Variants in VSTM4 observed in about 807,000 individuals in gnomAD.
The protein encoded by VSTM4 is V-set and transmembrane domain containing 4.
VSTM4 carries 20 observed loss-of-function variants against 36.4 expected under a neutral mutation model. The ratio of observed to expected loss-of-function variants is 0.55; its 90% CI spans 0.39 to 0.80. VSTM4 has a LOEUF of 0.80. VSTM4 is among the 30% of genes least tolerant of loss of function. VSTM4 has a pLI of 0.00. For missense variants in VSTM4, 392 were observed against 404.5 expected (o/e 0.97, Z 0.26); for synonymous variants, 182 against 173.9 (o/e 1.05, Z -0.37).
At chr10:49,080,413 C>A (rs1292152996) in intron 3 of VSTM4, among the ~76,000 whole-genome samples, 1 of 152,250 alleles carries the variant, frequency 6.6e-6, no homozygotes, top group Non-Finnish European at 1.5e-5. Context: ...GGAAGCCCAG[C>A]AGAACCTCTG....
At chr10:49,064,888 A>G in intron 4 of VSTM4, 152 bp from the exon 5 acceptor site, 1 of 721,298 alleles carries the variant, frequency 1.4e-6, no homozygotes, top group Non-Finnish European at 2.3e-6. Context: ...TCTGTTTGGA[A>G]GAGCACAGCA....
At chr10:49,033,649 T>A (rs1429321386) in intron 7 of VSTM4, among the ~76,000 whole-genome samples, 3 of 152,198 alleles carry the variant, frequency 2.0e-5, no homozygotes, top group Non-Finnish European at 4.4e-5. Context: ...GAGCTCAGAG[T>A]GCAGTGGGGA....
chr10:49,083,179 A>G lies in VSTM4; in HGVS notation c.526+2776T>C, dbSNP rs1404061795. On this transcript the variant is annotated intron_variant, in intron 3 of 7. Coordinates refer to ENST00000332853, the MANE Select transcript of VSTM4 (RefSeq NM_001031746.5). ...GGAAAAGTCAGGAGATAGCAGTTTG[A>G]GACATAAGGCTGTGTATTTCTATTT... 6.6e-5 allele frequency among the ~76,000 whole-genome samples: 10 copies of G among 152,228 alleles called. 1 individual carries two copies. Among genetic ancestry groups the G allele is most frequent in the Non-Finnish European group, 5.9e-5 (4 of 68,034 alleles).
At chr10:49,069,661 C>T (rs1347346404) in intron 4 of VSTM4, among the ~76,000 whole-genome samples, 1 of 152,196 alleles carries the variant, frequency 6.6e-6, no homozygotes, top group Non-Finnish European at 1.5e-5. Context: ...ATGAGTCCTG[C>T]CTGGACAACC....
At chr10:49,088,608 T>C (rs1384897667) in intron 2 of VSTM4, among the ~76,000 whole-genome samples, 2 of 152,254 alleles carry the variant, frequency 1.3e-5, no homozygotes, top group Admixed American at 1.3e-4. Flanking sequence ...AGAACCTGCA[T>C]AGCAGAGGGA....
intron 2 of VSTM4, chr10:49,103,902 G>A: frequency 6.3e-7 from 1 of 1,576,014 alleles, no homozygotes; most frequent in Non-Finnish European, 8.7e-7. Flanking sequence ...TTAGACAAGA[G>A]AGACCACGGG....
At chr10:49,109,934 T>C (rs1389456453) in intron 1 of VSTM4, among the ~76,000 whole-genome samples, 1 of 152,174 alleles carries the variant, frequency 6.6e-6, no homozygotes, top group African/African-American at 2.4e-5. Context: ...CAGAAGACAT[T>C]TCTTCCTCAC....
chr10:49,073,096 C>T (rs1210502805), intron 4 of VSTM4, among the ~76,000 whole-genome samples: 1 of 152,160 alleles, frequency 6.6e-6, no homozygotes, highest in East Asian at 1.9e-4. Context: ...CCTTTCTGTC[C>T]TATCATATCA....
At chr10:49,103,769 G>C in intron 2 of VSTM4, 1 of 1,614,102 alleles carries the variant, frequency 6.2e-7, no homozygotes, top group Non-Finnish European at 8.5e-7. Flanking sequence ...AGGAGGCCAT[G>C]GTTAAGTCTG....
intron 7 of VSTM4, among the ~76,000 whole-genome samples, chr10:49,041,749 T>C (rs1002729393): frequency 6.6e-6 from 1 of 152,222 alleles, no homozygotes; most frequent in Admixed American, 6.5e-5. Context: ...CTGAGGGATA[T>C]GGATCATGTT....
chr10:49,039,104 C>G (rs990288084), intron 7 of VSTM4, among the ~76,000 whole-genome samples: 1 of 152,130 alleles, frequency 6.6e-6, no homozygotes, highest in Non-Finnish European at 1.5e-5. Context: ...ACTCAGATGC[C>G]TAGGCCAACC....
chr10:49,037,483 C>G (rs1843449195), intron 7 of VSTM4, among the ~76,000 whole-genome samples: 1 of 152,212 alleles, frequency 6.6e-6, no homozygotes, highest in Non-Finnish European at 1.5e-5. Flanking sequence ...CAGATCCTCC[C>G]ACGCAAACAT....
At chr10:49,063,643 G>C (rs1843921633) in intron 5 of VSTM4, among the ~76,000 whole-genome samples, 1 of 152,154 alleles carries the variant, frequency 6.6e-6, no homozygotes, top group Non-Finnish European at 1.5e-5. Context: ...TTTATATGGT[G>C]CCACTGGGCC....
chr10:49,114,734 C>CCCTGCTGCCCTGAGGCAG lies in VSTM4; in HGVS notation c.55+679_55+696dup, dbSNP rs538378476. ...TTACTATTATTCCAGCCAGTACGGC[C>CCCTGCTGCCCTGAGGCAG]CCTGCTGCCCTGAGGCAGCCAGACA... On this transcript the variant is annotated intron_variant, in intron 1 of 7. Coordinates refer to ENST00000332853, the MANE Select transcript of VSTM4 (RefSeq NM_001031746.5). Among the ~76,000 whole-genome samples, 1,488 of 152,234 alleles carry CCCTGCTGCCCTGAGGCAG rather than the reference C, an allele frequency of 9.8e-3. 51 individuals are homozygous for CCCTGCTGCCCTGAGGCAG. In the South Asian group the frequency reaches 0.12, roughly 12 times the overall value.
chr10:49,059,774 A>C (rs1010854666), intron 5 of VSTM4, among the ~76,000 whole-genome samples: 4 of 152,196 alleles, frequency 2.6e-5, no homozygotes, highest in Non-Finnish European at 4.4e-5. Context: ...CAGGTGTATA[A>C]TTCAATAGCT....
At chr10:49,108,140 T>A in intron 1 of VSTM4, 145 bp from the exon 2 acceptor site, 1 of 1,186,370 alleles carries the variant, frequency 8.4e-7, no homozygotes, top group Non-Finnish European at 1.1e-6. Flanking sequence ...GCCCCTCACC[T>A]CTCCAGAGGA....
chr10:49,092,705 C>T (rs2132009180), intron 2 of VSTM4, among the ~76,000 whole-genome samples: 1 of 152,296 alleles, frequency 6.6e-6, no homozygotes, highest in Admixed American at 6.5e-5. Context: ...CCCAAGACCA[C>T]TCTGGCCTGC....
At chr10:49,029,405 C>T (rs1843311839) in intron 7 of VSTM4, among the ~76,000 whole-genome samples, 1 of 152,210 alleles carries the variant, frequency 6.6e-6, no homozygotes, top group African/African-American at 2.4e-5. Flanking sequence ...AGAATTGGTC[C>T]TTCTGAGAAC....
intron 7 of VSTM4, among the ~76,000 whole-genome samples, chr10:49,031,190 C>G (rs148853890): frequency 6.6e-6 from 1 of 152,338 alleles, no homozygotes; most frequent in East Asian, 1.9e-4. Context: ...TAACACTCTC[C>G]TAGACCCATC....
Sources: allele counts gnomAD v4.1 joint callset (sites outside exome capture counted in the v4.1 genomes callset), GRCh38; gene constraint gnomAD v4.1.1; transcripts MANE v1.5; gene names NCBI Gene and HGNC (gene_info 2026-07-23, HGNC 2026-07-21).